ACVR1C: variants seen among roughly 807,000 people sequenced by gnomAD.
The protein encoded by ACVR1C is activin receptor type-1C.
ACVR1C carries 23 observed loss-of-function variants against 57.9 expected under a neutral mutation model. That is an observed-to-expected ratio of 0.40 (90% CI 0.29 to 0.56). ACVR1C has a LOEUF of 0.56. ACVR1C is among the 20% of genes least tolerant of loss of function. ACVR1C has a pLI of 0.50. For missense variants in ACVR1C, 480 were observed against 607.9 expected (o/e 0.79, Z 2.21); for synonymous variants, 214 against 215.3 (o/e 0.99, Z 0.05).
chr2:157,627,914 C>A (rs1222465670), intron 1 of ACVR1C, among the ~76,000 whole-genome samples: 1 of 152,198 alleles, frequency 6.6e-6, no homozygotes, highest in Non-Finnish European at 1.5e-5. Context: ...TCTATTTAGC[C>A]TATCAAGGCA....
rs536708972 is a variant in ACVR1C, at chr2:157,558,326, T to G, written c.305-1994A>C. On this transcript the variant is annotated intron_variant, in intron 2 of 8. Transcript: ENST00000243349. ...TAACGGGCCTTGATAGTTTCGCCATTCTCCAGATGTCCTCTTTGCACTGAC... is the reference window on the plus strand; with the variant it reads ...TAACGGGCCTTGATAGTTTCGCCATGCTCCAGATGTCCTCTTTGCACTGAC... Among the ~76,000 whole-genome samples the G allele has an allele frequency of 1.1e-4, 16 of 152,324 alleles. No individual in the cohort carries two copies. The South Asian group carries it at 1.7e-3, about 16-fold the overall frequency.
intron 2 of ACVR1C, among the ~76,000 whole-genome samples, chr2:157,581,350 G>A (rs1402716653): frequency 6.6e-6 from 1 of 151,982 alleles, no homozygotes; most frequent in Non-Finnish European, 1.5e-5. Flanking sequence ...TGAAAAAAAG[G>A]GTTTAAGAGA....
chr2:157,550,186 C>T lies in ACVR1C; in HGVS notation c.751G>A (p.Gly251Ser), dbSNP rs1473349063. 2.6e-5 allele frequency: 42 copies of T among 1,613,904 alleles called. No individual in the cohort carries two copies. Among genetic ancestry groups the T allele is most frequent in the Non-Finnish European group, 3.6e-5 (42 of 1,179,978 alleles). The change falls in exon 4 of 9, where the codon GGT becomes AGT. Residue 251 changes from glycine to serine, a missense_variant. Transcript: ENST00000243349. ...TVMLRHENIL[G>S]FIAADNKDNG... ...CCTTTGTTGTCAGCAGCAATGAAAC[C>T]AAGGATGTTTTCATGTCGCAGCATG...
At chr2:157,550,923 T>C (rs1444942964) in intron 3 of ACVR1C, among the ~76,000 whole-genome samples, 1 of 152,140 alleles carries the variant, frequency 6.6e-6, no homozygotes, top group African/African-American at 2.4e-5. Flanking sequence ...AAATAAGATA[T>C]CAAATGAATA....
intron 2 of ACVR1C, among the ~76,000 whole-genome samples, chr2:157,561,276 C>T (rs748040953): frequency 1.3e-5 from 2 of 152,224 alleles, no homozygotes; most frequent in African/African-American, 2.4e-5. Flanking sequence ...ATCAAGTCTT[C>T]AACTGCTTTC....
chr2:157,550,244 A>C lies in ACVR1C; in HGVS notation c.693T>G (p.Ser231=). The change falls in exon 4 of 9, where the codon TCT becomes TCG. Residue 231 remains serine (S), a synonymous_variant. Transcript: ENST00000243349. Reference sequence around the variant, plus strand: ...GGTAAATTTCTGCCTCACGAAACCAAGATCTTTCATCTCTGGAGGAGAATA... The same window carrying C: ...GGTAAATTTCTGCCTCACGAAACCACGATCTTTCATCTCTGGAGGAGAATA... The part of the protein sequence containing the change: ...VKIFSSRDER[S]WFREAEIYQT... 4 of 1,614,144 alleles carry C rather than the reference A, an allele frequency of 2.5e-6. No homozygotes were observed. Among genetic ancestry groups the C allele is most frequent in the Non-Finnish European group, 2.5e-6 (3 of 1,180,034 alleles).
At chr2:157,547,810 C>T (rs1687806179) in intron 4 of ACVR1C, among the ~76,000 whole-genome samples, 1 of 151,654 alleles carries the variant, frequency 6.6e-6, no homozygotes, top group African/African-American at 2.4e-5. Flanking sequence ...TGTGAAGAAG[C>T]TCTTTAGTTT....
At chr2:157,590,640 C>A (rs1005412218) in intron 1 of ACVR1C, among the ~76,000 whole-genome samples, 7 of 151,896 alleles carry the variant, frequency 4.6e-5, no homozygotes, top group Admixed American at 2.6e-4. Context: ...AATAAATATA[C>A]TTTTTCATCA....
chr2:157,608,507 T>G (rs1682458503), intron 1 of ACVR1C, among the ~76,000 whole-genome samples: 1 of 151,778 alleles, frequency 6.6e-6, no homozygotes, highest in Non-Finnish European at 1.5e-5. Context: ...AAAATGAGTT[T>G]AGGAGAATTT....
At chr2:157,623,744 A>T (rs975700313) in intron 1 of ACVR1C, among the ~76,000 whole-genome samples, 2 of 152,164 alleles carry the variant, frequency 1.3e-5, no homozygotes, top group Admixed American at 6.5e-5. Context: ...AAAGAATGTA[A>T]TTGGATTGTT....
intron 1 of ACVR1C, among the ~76,000 whole-genome samples, chr2:157,590,782 G>T (rs571394029): frequency 1.3e-5 from 2 of 152,038 alleles, no homozygotes; most frequent in East Asian, 3.9e-4. Flanking sequence ...CATATCATGG[G>T]CAAGCATTCA....
At position 157,556,943 on chromosome 2, in the gene ACVR1C, G is replaced by A. The variant is rs554617010; in HGVS notation, c.305-611C>T. ...CTCCCAAAGTGCTGGGATTACAGGCGTGAGCCACCATGCCTGGCCACAGCA... is the reference window on the plus strand; with the variant it reads ...CTCCCAAAGTGCTGGGATTACAGGCATGAGCCACCATGCCTGGCCACAGCA... On this transcript the variant is annotated intron_variant, in intron 2 of 8. Transcript: ENST00000243349. 5.9e-5 allele frequency among the ~76,000 whole-genome samples: 9 copies of A among 152,172 alleles called. No individual in the cohort carries two copies. In the South Asian group the frequency reaches 1.5e-3, roughly 25 times the overall value.
intron 2 of ACVR1C, among the ~76,000 whole-genome samples, chr2:157,566,947 T>A (rs1004179152): frequency 1.3e-4 from 18 of 137,322 alleles, no homozygotes; most frequent in African/African-American, 4.2e-4. Context: ...CAGTAACCTC[T>A]GCAGACTTAA....
In ACVR1C at chr2:157,533,978, A is replaced by C; in HGVS notation, c.1422T>G (p.Thr474=). 1.9e-6 allele frequency: 3 copies of C among 1,600,010 alleles called. No homozygotes were observed. Among genetic ancestry groups the C allele is most frequent in the Non-Finnish European group, 2.6e-6 (3 of 1,173,902 alleles). The stretch of plus-strand genomic sequence containing the variant: ...ATATAGTCTTCTTAATACGAAGAGC[A>C]GTTAGGCGGGCCGCTCCGTTGGCAT... The part of the protein sequence containing the change: ...CWYANGAARL[T]ALRIKKTISQ... The change falls in exon 9 of 9, where the codon ACT becomes ACG. Residue 474 remains threonine (T), a synonymous_variant. Coordinates refer to ENST00000243349, the MANE Select transcript of ACVR1C (RefSeq NM_145259.3).
At chr2:157,535,985 A>G (rs1316597383) in intron 8 of ACVR1C, among the ~76,000 whole-genome samples, 3 of 152,312 alleles carry the variant, frequency 2.0e-5, no homozygotes, top group East Asian at 1.9e-4. Flanking sequence ...TGGCACATAC[A>G]AAGAGTCTAA....
Position 157,530,669 on chromosome 2 carries a change from T to C in ACVR1C, c.*3249A>G, listed in dbSNP as rs1481606563. 1 of 152,120 alleles carries C rather than the reference T, an allele frequency of 6.6e-6. No individual in the cohort carries two copies. The highest frequency in any genetic ancestry group is 1.5e-5 in the Non-Finnish European group (1 of 68,002). 9.4% of individuals were successfully genotyped at this position (152,120 alleles called of 1,614,324 possible). A position where few individuals can be genotyped will look rare whatever the true frequency, so the allele number is the denominator to read the frequency against. ...TTCATACAATCATGGAAATTTAAAATGCAAAGTTAATTGAAAGTATAAAGA... is the reference window on the plus strand; with the variant it reads ...TTCATACAATCATGGAAATTTAAAACGCAAAGTTAATTGAAAGTATAAAGA... On this transcript the variant is annotated 3_prime_UTR_variant, in exon 9 of 9. Coordinates refer to ENST00000243349, the MANE Select transcript of ACVR1C (RefSeq NM_145259.3).
At position 157,620,078 on chromosome 2, in the gene ACVR1C, C is replaced by T. The variant is rs143997933; in HGVS notation, c.73+8494G>A. 1.5e-4 allele frequency among the ~76,000 whole-genome samples: 23 copies of T among 152,074 alleles called. 1 individual carries two copies. The East Asian group carries it at 4.2e-3, about 28-fold the overall frequency. On this transcript the variant is annotated intron_variant, in intron 1 of 8. Transcript: ENST00000243349. ...TTCTAAAGGGGTCCAGTTGTTTTAACGAAGTCAACTTTCTTCTCTCTACAT... is the reference window on the plus strand; with the variant it reads ...TTCTAAAGGGGTCCAGTTGTTTTAATGAAGTCAACTTTCTTCTCTCTACAT...
chr2:157,588,882 T>TATATATATATATATAC (rs1165852661), intron 1 of ACVR1C, among the ~76,000 whole-genome samples: 12 of 135,130 alleles, frequency 8.9e-5, no homozygotes, highest in African/African-American at 2.7e-4. Flanking sequence ...TATATATACG[T>TATATATATATATATAC]GTGTGTGTAT....
chr2:157,566,042 A>G (rs1162897398), intron 2 of ACVR1C, among the ~76,000 whole-genome samples: 1 of 152,224 alleles, frequency 6.6e-6, no homozygotes, highest in Non-Finnish European at 1.5e-5. Context: ...CAGTTTTCTT[A>G]ATTTCAGGAC....
Sources: gnomAD v4.1 joint callset for allele counts (sites outside exome capture counted in the v4.1 genomes callset) on GRCh38, gnomAD v4.1.1 for gene constraint, MANE v1.5 for transcripts, NCBI Gene and HGNC (gene_info 2026-07-23, HGNC 2026-07-21) for gene names.